Variants in PRR36 observed in about 807,000 individuals in gnomAD.
The protein encoded by PRR36 is proline-rich protein 36.
In PRR36, 30 loss-of-function variants were observed where a neutral mutation model predicts 58.6. The ratio of observed to expected loss-of-function variants is 0.51; its 90% CI spans 0.38 to 0.69. The LOEUF is 0.69. Among genes scored for constraint, PRR36 ranks in the 30% least tolerant of loss-of-function variants. PRR36 has a pLI of 0.00. For synonymous variants in PRR36, 771 were observed against 829.3 expected (o/e 0.93, Z 1.21); for missense variants, 1,692 against 1,805.6 (o/e 0.94, Z 1.14).
rs1420495628 is a variant in PRR36, at chr19:7,870,061, A to AGGAGG, written c.3182_3183insCCTCC (p.Gln1063LeufsTer34). 1 of 1,472,666 alleles carries AGGAGG rather than the reference A, an allele frequency of 6.8e-7. No individual in the cohort carries two copies. The highest frequency in any genetic ancestry group is 1.4e-5 in the African/African-American group (1 of 69,114). 91.2% of individuals were successfully genotyped at this position (1,472,666 alleles called of 1,614,324 possible). ...CAGGGGGAGAGGGAGGGACCTGCAG[A>AGGAGG]AGGGGCGCTGCCAGAACAGGTGGGG... On this transcript the variant is annotated frameshift_variant, in exon 5 of 6. Coordinates refer to ENST00000618550, the MANE Select transcript of PRR36 (RefSeq NM_001190467.2). LOFTEE classifies it high-confidence loss of function.
At position 7,870,965 on chromosome 19, in the gene PRR36, AGG is replaced by A; in HGVS notation, c.2277_2278del (p.Leu760ThrfsTer245). On this transcript the variant is annotated frameshift_variant, in exon 5 of 6. Transcript: ENST00000618550. LOFTEE classifies it high-confidence loss of function. ...CAGAGGAGGCGGGGCTAGAGAAGGTAGGTTCTCCAGAGGGGGTGTGGTCAGGG... is the reference window on the plus strand; with the variant it reads ...CAGAGGAGGCGGGGCTAGAGAAGGTATTCTCCAGAGGGGGTGTGGTCAGGG... 5 of 793,754 alleles carry A rather than the reference AGG, an allele frequency of 6.3e-6. No individual in the cohort carries two copies. The highest frequency in any genetic ancestry group is 9.8e-5 in the East Asian group (1 of 10,250). 49.2% of individuals were successfully genotyped at this position (793,754 alleles called of 1,614,324 possible). A position where few individuals can be genotyped will look rare whatever the true frequency, so the allele number is the denominator to read the frequency against.
In PRR36 at chr19:7,873,422, G is replaced by A. The variant is rs1013558991; in HGVS notation, c.268C>T (p.Pro90Ser). 1 of 1,530,332 alleles carries A rather than the reference G, an allele frequency of 6.5e-7. No homozygotes were observed. Among genetic ancestry groups the A allele is most frequent in the African/African-American group, 1.4e-5 (1 of 72,930 alleles). The allele number at this position is 1,530,332 out of a possible 1,614,324, so 94.8% of individuals were successfully genotyped here. A position where few individuals can be genotyped will look rare whatever the true frequency, so the allele number is the denominator to read the frequency against. ...TRSAGTSSRN[P>S]ASRPPASGRG... Reference sequence around the variant, plus strand: ...CTGAGGAAGGAGGCTGGGGTACCAGGGTTTCGGGAACTTGTCCCAGCACTC... The same window carrying A: ...CTGAGGAAGGAGGCTGGGGTACCAGAGTTTCGGGAACTTGTCCCAGCACTC... Residue 90 changes from proline (P) to serine (S), a missense_variant, in exon 2 of 6, where the codon CCT (proline) becomes TCT (serine). Pro to Ser is a moderately conservative substitution (Grantham distance 74). Coordinates refer to ENST00000618550, the MANE Select transcript of PRR36 (RefSeq NM_001190467.2). The surrounding 1 kb of genome is among the most constrained non-coding windows in gnomAD (Gnocchi z 5.0).
rs1980239263 is a variant in PRR36, at chr19:7,869,045, C to T, written c.4029G>A (p.Glu1343=). 1 of 1,528,596 alleles carries T rather than the reference C, an allele frequency of 6.5e-7. No homozygotes were observed. Among genetic ancestry groups the T allele is most frequent in the East Asian group, 2.5e-5 (1 of 40,396 alleles). The allele number at this position is 1,528,596 out of a possible 1,614,324, so 94.7% of individuals were successfully genotyped here. The change falls in exon 6 of 6, where the codon GAG becomes GAA. Residue 1343 remains glutamate, a synonymous_variant. Coordinates refer to ENST00000618550, the MANE Select transcript of PRR36 (RefSeq NM_001190467.2). ...PQGDWTVVEV[E]TFH ...GCTGTGGTCTGGCTCAGTGGAAGGT[C>T]TCCACCTCCACCACGGTCCAGTCAC...
chr19:7,870,150 G>A lies in PRR36; in HGVS notation c.3094C>T (p.Gln1032Ter). 6.9e-7 allele frequency: 1 copy of A among 1,444,738 alleles called. No homozygotes were observed. Among genetic ancestry groups the A allele is most frequent in the Non-Finnish European group, 9.1e-7 (1 of 1,104,432 alleles). 89.5% of individuals were successfully genotyped at this position (1,444,738 alleles called of 1,614,324 possible). ...GAGGCAGAGGGTGAGAAAGGGGCCT[G>A]CCCAGGGAATGAGGCAGGCGGAGAG... ...LPSPPASFPG[Q>*]APFSPSASLP... Residue 1032 changes from glutamine to a stop codon, truncating the protein, a stop_gained, in exon 5 of 6, where the codon CAG (glutamine) becomes TAG (stop). Transcript: ENST00000618550. LOFTEE classifies it high-confidence loss of function.
rs891626343 is a variant in PRR36 at position 7,872,492 on chromosome 19, G to A, written c.752C>T (p.Ser251Phe). 16 of 1,487,306 alleles carry A rather than the reference G, an allele frequency of 1.1e-5. No individual in the cohort carries two copies. The African/African-American group carries it at 1.3e-4, about 12-fold the overall frequency. 92.1% of individuals were successfully genotyped at this position (1,487,306 alleles called of 1,614,324 possible). The change falls in exon 5 of 6, where the codon TCC (serine) becomes TTC (phenylalanine). Residue 251 changes from serine to phenylalanine, a missense_variant. Transcript: ENST00000618550. The surrounding 1 kb of genome is among the most constrained non-coding windows in gnomAD (Gnocchi z 6.1). ...SLSSSATPLS[S>F]PARSGPSARG... ...GGCTGAGGGCCCAGAACGGGCTGGG[G>A]AGGAGAGAGGGGTGGCGCTGGAGCT...
chr19:7,871,981 A>C lies in PRR36; in HGVS notation c.1263T>G (p.Ala421=), dbSNP rs1389483042. Residue 421 remains alanine (A), a synonymous_variant, in exon 5 of 6, where the codon GCT becomes GCG. Transcript: ENST00000618550. ...VSSLATAAFV[A]SVSPSVSSPL... Reference sequence around the variant, plus strand: ...GGGATGAAACTGATGGAGAGACTGAAGCCACAAAAGCGGCTGTGGCCAGGG... The same window carrying C: ...GGGATGAAACTGATGGAGAGACTGACGCCACAAAAGCGGCTGTGGCCAGGG... The C allele has an allele frequency of 1.3e-6, 2 of 1,535,484 alleles. No individual in the cohort carries two copies. Among genetic ancestry groups the C allele is most frequent in the Non-Finnish European group, 1.7e-6 (2 of 1,146,826 alleles).
intron 5 of PRR36, 29 bp downstream of exon 5, chr19:7,869,686 A>G (rs1599587356): frequency 1.5e-6 from 2 of 1,374,724 alleles, no homozygotes; most frequent in East Asian, 3.1e-5. Context: ...CCCCGCCCAC[A>G]GCCAGGCCGG....
rs1366509928 is a variant in PRR36 at position 7,871,772 on chromosome 19, G to A, written c.1472C>T (p.Ala491Val). ...GGCCTGCGGAGGGGGCGTGGTCAGA[G>A]CAGAAAGGCCTGGCTGAGGGAGTGC... ...LAALPQPGLS[A>V]LTTPPPQASP... The change falls in exon 5 of 6, where the codon GCT becomes GTT. Residue 491 changes from alanine to valine, a missense_variant. Transcript: ENST00000618550. 2.0e-6 allele frequency: 3 copies of A among 1,535,878 alleles called. No individual in the cohort carries two copies. In the South Asian group the frequency reaches 3.6e-5, roughly 18 times the overall value.
intron 5 of PRR36, 80 bp downstream of exon 5, chr19:7,869,635 C>A: frequency 7.0e-7 from 1 of 1,434,090 alleles, no homozygotes. Flanking sequence ...CCGCCCCGGA[C>A]CCAGCTGTCC....
rs890161268 is a variant in PRR36 at position 7,872,898 on chromosome 19, T to C, written c.438A>G (p.Lys146=). The C allele has an allele frequency of 3.9e-6, 6 of 1,535,930 alleles. No individual in the cohort carries two copies. In the African/African-American group the frequency reaches 5.5e-5, roughly 14 times the overall value. ...CACTCCTTTTGGGAGCCTCTGTAGC[T>C]TTTCCTCTGGCCACAGTTTCCTCCG... ...ISAEETVARG[K]ATEAPKRSAL... The change falls in exon 4 of 6, where the codon AAA becomes AAG. Residue 146 remains lysine, a synonymous_variant. Coordinates refer to ENST00000618550, the MANE Select transcript of PRR36 (RefSeq NM_001190467.2). The surrounding 1 kb of genome is among the most constrained non-coding windows in gnomAD (Gnocchi z 6.1).
At position 7,872,009 on chromosome 19, in the gene PRR36, G is replaced by A; in HGVS notation, c.1235C>T (p.Ser412Phe). Residue 412 changes from serine to phenylalanine, a missense_variant, in exon 5 of 6, where the codon TCT (serine) becomes TTT (phenylalanine). This residue lies in a region of PRR36 where 975 missense variants were observed against 955.2 expected (regional missense o/e 1.02). Transcript: ENST00000618550. This position sits in a 1 kb window ranked among gnomAD's most constrained non-coding sequence, Gnocchi z 6.1. ...CACAAAAGCGGCTGTGGCCAGGGAA[G>A]AGACGCCTGCTTCTGGAAAGGACAT... ...LIMSFPEAGV[S>F]SLATAAFVAS... 6.5e-7 allele frequency: 1 copy of A among 1,535,742 alleles called. No individual in the cohort carries two copies. Among genetic ancestry groups the A allele is most frequent in the Non-Finnish European group, 8.7e-7 (1 of 1,146,836 alleles).
At position 7,868,982 on chromosome 19, in the gene PRR36, G is replaced by A; in HGVS notation, c.*51C>T. 1 of 1,458,378 alleles carries A rather than the reference G, an allele frequency of 6.9e-7. No homozygotes were observed. The highest frequency in any genetic ancestry group is 9.0e-7 in the Non-Finnish European group (1 of 1,107,018). 90.3% of individuals were successfully genotyped at this position (1,458,378 alleles called of 1,614,324 possible). ...CTAAAACAAACGGCGTACCCGGAGG[G>A]GCGGATCCTAAGGCAGGGGTGGGGT... On this transcript the variant is annotated 3_prime_UTR_variant, in exon 6 of 6. Coordinates refer to ENST00000618550, the MANE Select transcript of PRR36 (RefSeq NM_001190467.2).
rs1980356583 is a variant in PRR36, at chr19:7,870,494, G to T, written c.2750C>A (p.Ala917Asp). Reference sequence around the variant, plus strand: ...AGGAGGTGCGGCTAGAGAGGGTGGGGCCTGTGAAGGGGGCGTGGCCGAAGG... The same window carrying T: ...AGGAGGTGCGGCTAGAGAGGGTGGGTCCTGTGAAGGGGGCGTGGCCGAAGG... ...VSPSATPPSQ[A>D]PPSLAAPPLQ... Residue 917 changes from alanine (A) to aspartate (D), a missense_variant, in exon 5 of 6, where the codon GCC (alanine) becomes GAC (aspartate). By Grantham distance (126) the Ala-to-Asp change is moderately radical. Around this residue, in one of 5 missense-constraint regions of PRR36, gnomAD observed 171 missense variants for 146.2 expected, o/e 1.17. Coordinates refer to ENST00000618550, the MANE Select transcript of PRR36 (RefSeq NM_001190467.2). 2.9e-6 allele frequency: 3 copies of T among 1,032,698 alleles called. No homozygotes were observed. Among genetic ancestry groups the T allele is most frequent in the Non-Finnish European group, 3.6e-6 (3 of 833,698 alleles). The allele number at this position is 1,032,698 out of a possible 1,614,324, so 64.0% of individuals were successfully genotyped here.
chr19:7,870,936 TCTG>T lies in PRR36; in HGVS notation c.2305_2307del (p.Gln769del). On this transcript the variant is annotated inframe_deletion, in exon 5 of 6. Transcript: ENST00000618550. ...GGTGTGGTCAGGGGAGCAGAAGCTG[TCTG>T]CAGAGGAGGCGGGGCTAGAGAAGGT... is the stretch of plus-strand genomic sequence containing the variant. 7.2e-7 allele frequency: 1 copy of T among 1,386,674 alleles called. No homozygotes were observed. The highest frequency in any genetic ancestry group is 9.3e-7 in the Non-Finnish European group (1 of 1,075,016). 85.9% of individuals were successfully genotyped at this position (1,386,674 alleles called of 1,614,324 possible).
In PRR36 at chr19:7,868,900, C is replaced by T. The variant is rs1016817890; in HGVS notation, c.*133G>A. ...GAGCCTCCGAGGCCAAAGGCTCAGG[C>T]TCTAGGGAGCTAAGACTAATCCACC... On this transcript the variant is annotated 3_prime_UTR_variant, in exon 6 of 6. Coordinates refer to ENST00000618550, the MANE Select transcript of PRR36 (RefSeq NM_001190467.2). 9.1e-7 allele frequency: 1 copy of T among 1,102,238 alleles called. No individual in the cohort carries two copies. Among genetic ancestry groups the T allele is most frequent in the Non-Finnish European group, 1.2e-6 (1 of 808,490 alleles). The allele number at this position is 1,102,238 out of a possible 1,614,324, so 68.3% of individuals were successfully genotyped here. A position where few individuals can be genotyped will look rare whatever the true frequency, so the allele number is the denominator to read the frequency against.
chr19:7,873,263 G>T lies in PRR36; in HGVS notation c.308C>A (p.Ala103Asp), dbSNP rs188777760. ...RPPASGRGER[A>D]PPAKNTSPGP... ...TGGGCTGGTGTTCTTGGCAGGAGGAGCTCTCTCCCCTCTCCCAGAGGCTGG... is the reference window on the plus strand; with the variant it reads ...TGGGCTGGTGTTCTTGGCAGGAGGATCTCTCTCCCCTCTCCCAGAGGCTGG... The change falls in exon 3 of 6, where the codon GCT becomes GAT. Residue 103 changes from alanine (A) to aspartate (D), a missense_variant. By Grantham distance (126) the Ala-to-Asp change is moderately radical. Around this residue, in one of 5 missense-constraint regions of PRR36, gnomAD observed 975 missense variants for 955.2 expected, o/e 1.02. Coordinates refer to ENST00000618550, the MANE Select transcript of PRR36 (RefSeq NM_001190467.2). This position sits in a 1 kb window ranked among gnomAD's most constrained non-coding sequence, Gnocchi z 5.0. 1.1e-3 allele frequency: 1,759 copies of T among 1,535,940 alleles called. 17 individuals are homozygous for T. The African/African-American group carries it at 0.022, about 19-fold the overall frequency.
At position 7,870,741 on chromosome 19, in the gene PRR36, G is replaced by T. The variant is rs1980381548; in HGVS notation, c.2503C>A (p.Pro835Thr). The T allele has an allele frequency of 1.5e-6, 2 of 1,315,590 alleles. No individual in the cohort carries two copies. The highest frequency in any genetic ancestry group is 1.9e-6 in the Non-Finnish European group (2 of 1,028,822). 81.5% of individuals were successfully genotyped at this position (1,315,590 alleles called of 1,614,324 possible). The change falls in exon 5 of 6, where the codon CCT (proline) becomes ACT (threonine). Residue 835 changes from proline to threonine, a missense_variant. Pro to Thr is a conservative substitution (Grantham distance 38). Transcript: ENST00000618550. ...GCCTGTGGAGGGGGCGTGGCCAAAG[G>T]AGACAGAGGGGGAGAGGGCAGGCCC... ...LQGLPSPPLS[P>T]LATPPPQAPP...
rs1289351642 is a variant in PRR36, at chr19:7,872,218, T to TGGCGGAGGGGGCGTTACCGGTGGA, written c.1002_1025dup (p.Pro335_Pro342dup). On this transcript the variant is annotated inframe_insertion, in exon 5 of 6. Transcript: ENST00000618550. The surrounding 1 kb of genome is among the most constrained non-coding windows in gnomAD (Gnocchi z 6.1). Reference sequence around the variant, plus strand: ...GCGGGGCCTGACTTTGGAGAGCGGCTGGCGGAGGGGGCGTTACCGGTGGAG... The same window carrying TGGCGGAGGGGGCGTTACCGGTGGA: ...GCGGGGCCTGACTTTGGAGAGCGGCTGGCGGAGGGGGCGTTACCGGTGGAGGCGGAGGGGGCGTTACCGGTGGAG... The TGGCGGAGGGGGCGTTACCGGTGGA allele has an allele frequency of 7.0e-7, 1 of 1,437,210 alleles. No individual in the cohort carries two copies. Among genetic ancestry groups the TGGCGGAGGGGGCGTTACCGGTGGA allele is most frequent in the South Asian group, 1.5e-5 (1 of 68,732 alleles). The allele number at this position is 1,437,210 out of a possible 1,614,324, so 89.0% of individuals were successfully genotyped here.
chr19:7,869,514 C>A lies in PRR36; in HGVS notation c.3560G>T (p.Gly1187Val). 1.3e-6 allele frequency: 2 copies of A among 1,520,340 alleles called. No homozygotes were observed. The highest frequency in any genetic ancestry group is 5.2e-5 in the East Asian group (2 of 38,282). 94.2% of individuals were successfully genotyped at this position (1,520,340 alleles called of 1,614,324 possible). A position where few individuals can be genotyped will look rare whatever the true frequency, so the allele number is the denominator to read the frequency against. The change falls in exon 6 of 6, where the codon GGA (glycine) becomes GTA (valine). Residue 1187 changes from glycine to valine, a missense_variant. Coordinates refer to ENST00000618550, the MANE Select transcript of PRR36 (RefSeq NM_001190467.2). ...GAPLPWPPATGPGSADGLCTI... is the reference protein window; with the variant it reads ...GAPLPWPPATVPGSADGLCTI... ...GCACAGACCGTCAGCAGAGCCCGGT[C>A]CGGTAGCGGGAGGCCACGGCAGGGG...
Sources: gnomAD v4.1 joint callset for allele counts on GRCh38, gnomAD v4.1.1 for gene constraint, gnomAD v4.1.1 regional missense constraint, Gnocchi (gnomAD v3.1) non-coding constraint, MANE v1.5 for transcripts, NCBI Gene and HGNC (gene_info 2026-07-23, HGNC 2026-07-21) for gene names.